PKM: variants seen among roughly 807,000 people sequenced by gnomAD.
The protein encoded by PKM is pyruvate kinase PKM.
Under a neutral mutation model 49.8 loss-of-function variants are expected in PKM, and 18 were observed. The ratio of observed to expected loss-of-function variants is 0.36; its 90% CI spans 0.25 to 0.54. PKM has a LOEUF of 0.54. Among genes scored for constraint, PKM ranks in the 20% least tolerant of loss-of-function variants. The pLI, the probability that PKM is intolerant of heterozygous loss-of-function variation, is 0.89. For missense variants in PKM, 508 were observed against 713.8 expected (o/e 0.71, Z 3.28); for synonymous variants, 239 against 261.8 (o/e 0.91, Z 0.84).
chr15:72,209,747 A>T lies in PKM; in HGVS notation c.491T>A (p.Ile164Asn). 6.2e-7 allele frequency: 1 copy of T among 1,614,034 alleles called. No individual in the cohort carries two copies. The change falls in exon 5 of 11, where the codon ATC becomes AAC. Residue 164 changes from isoleucine to asparagine, a missense_variant. By Grantham distance (149) the Ile-to-Asn change is moderately radical. Transcript: ENST00000335181. ...ENILWLDYKN[I>N]CKVVEVGSKI... is the part of the protein sequence containing the mutation. ...GCTGCCCACTTCCACCACCTTGCAGATGTTCTTGTAGTCCAGCCACAGGAT... is the reference window on the plus strand; with the variant it reads ...GCTGCCCACTTCCACCACCTTGCAGTTGTTCTTGTAGTCCAGCCACAGGAT...
intron 3 of PKM, among the ~76,000 whole-genome samples, chr15:72,216,421 G>A (rs1013874853): frequency 2.6e-5 from 4 of 152,124 alleles, no homozygotes; most frequent in African/African-American, 9.7e-5. Context: ...AGGAGTTTGA[G>A]ACCAGCCAAG....
At chr15:72,219,199 T>C (rs183993617) in intron 1 of PKM, 89 bp from the exon 2 acceptor site, 3 of 1,213,340 alleles carry the variant, frequency 2.5e-6, no homozygotes, top group East Asian at 2.3e-5. Flanking sequence ...TGCTTACACA[T>C]TAACTCAATA....
chr15:72,211,303 G>A (rs544789109), intron 3 of PKM, among the ~76,000 whole-genome samples: 62 of 152,058 alleles, frequency 4.1e-4, no homozygotes, highest in Non-Finnish European at 6.5e-4. Context: ...TCCTGATCTC[G>A]TGATCCGCCC....
intron 1 of PKM, among the ~76,000 whole-genome samples, chr15:72,221,565 G>GAA (rs35563486): frequency 0.039 from 5,621 of 145,734 alleles, 185 homozygotes; most frequent in East Asian, 0.16. Context: ...TAGGATTACA[G>GAA]AAAAAAAAAA....
intron 1 of PKM, chr15:72,229,409 C>G: frequency 4.8e-6 from 2 of 412,744 alleles, no homozygotes; most frequent in South Asian, 3.8e-5. Flanking sequence ...AAACCTGATT[C>G]TAAACGCCTT....
At chr15:72,230,439 C>T (rs961932953) in intron 1 of PKM, among the ~76,000 whole-genome samples, 2 of 152,060 alleles carry the variant, frequency 1.3e-5, no homozygotes, top group Non-Finnish European at 2.9e-5. Flanking sequence ...CGCTCGGAGA[C>T]CGGAGCAAGT....
At chr15:72,228,703 T>G in intron 1 of PKM, 1 of 1,073,790 alleles carries the variant, frequency 9.3e-7, no homozygotes, top group Non-Finnish European at 1.3e-6. Context: ...AGCCCACTCC[T>G]GCCCCCACAG....
chr15:72,224,878 A>C (rs920804460), intron 1 of PKM, among the ~76,000 whole-genome samples: 7 of 150,998 alleles, frequency 4.6e-5, no homozygotes, highest in South Asian at 2.1e-4. Context: ...AAAAAAAAAA[A>C]ACACAAATAA....
intron 3 of PKM, among the ~76,000 whole-genome samples, chr15:72,215,652 A>T (rs2082360973): frequency 6.6e-6 from 1 of 152,226 alleles, no homozygotes; most frequent in Non-Finnish European, 1.5e-5. Context: ...TGTGGCAGGT[A>T]TCACTCGCCC....
chr15:72,206,689 T>A (rs1378019570), intron 8 of PKM, 39 bp downstream of exon 8: 1 of 1,604,696 alleles, frequency 6.2e-7, no homozygotes, highest in Non-Finnish European at 8.5e-7. Flanking sequence ...CCAGGCCCAG[T>A]CCGAAGCCCT....
Position 72,202,525 on chromosome 15 carries a change from G to A in PKM, c.1236C>T (p.Thr412=), listed in dbSNP as rs964243282. ...APITSDPTEA[T]AVGAVEASFK... ...AGGAGGCCTCCACGGCACCCACGGC[G>A]GTGGCTTCTGTGGGGTCGCTGGTAA... Residue 412 remains threonine, a synonymous_variant, in exon 9 of 11, where the codon ACC becomes ACT. Coordinates refer to ENST00000335181, the MANE Select transcript of PKM (RefSeq NM_002654.6). This position sits in a 1 kb window ranked among gnomAD's most constrained non-coding sequence, Gnocchi z 4.5. 3.1e-6 allele frequency: 5 copies of A among 1,613,430 alleles called. No homozygotes were observed. The highest frequency in any genetic ancestry group is 1.3e-5 in the African/African-American group (1 of 74,918).
intron 1 of PKM, chr15:72,221,188 G>A (rs1203455738): frequency 6.5e-7 from 1 of 1,533,952 alleles, no homozygotes; most frequent in Admixed American, 2.0e-5. Context: ...CTGGGGTTGG[G>A]CTTCCGGTGA....
rs369618996 is a variant in PKM, at chr15:72,202,445, G to A, written c.1307+9C>T. 481 of 1,610,786 alleles carry A rather than the reference G, an allele frequency of 3.0e-4. 1 individual carries two copies. Among genetic ancestry groups the A allele is most frequent in the Middle Eastern group, 2.0e-3 (10 of 5,088 alleles). On this transcript the variant is annotated intron_variant, in intron 9 of 10. Coordinates refer to ENST00000335181, the MANE Select transcript of PKM (RefSeq NM_002654.6). This position sits in a 1 kb window ranked among gnomAD's most constrained non-coding sequence, Gnocchi z 4.5. Reference sequence around the variant, plus strand: ...CAGGGCATTCCAGGGAGCCGCTGCCGCCTCCTACCTGCCAGACTTGGTGAG... The same window carrying A: ...CAGGGCATTCCAGGGAGCCGCTGCCACCTCCTACCTGCCAGACTTGGTGAG...
At chr15:72,216,633 AAAAT>A (rs1446103921) in intron 3 of PKM, among the ~76,000 whole-genome samples, 1 of 152,072 alleles carries the variant, frequency 6.6e-6, no homozygotes, top group Non-Finnish European at 1.5e-5. Flanking sequence ...ATAAAATAAA[AAAAT>A]AAATAAGTCA....
Position 72,218,948 on chromosome 15 carries a change from G to T in PKM, c.150C>A (p.Thr50=). 2 of 1,614,130 alleles carry T rather than the reference G, an allele frequency of 1.2e-6. No homozygotes were observed. The highest frequency in any genetic ancestry group is 1.7e-6 in the Non-Finnish European group (2 of 1,180,010). ...GGAAGGGGCACACCCACTCACCAATGGTACAGATGATGCCAGTGTTCCGGG... is the reference window on the plus strand; with the variant it reads ...GGAAGGGGCACACCCACTCACCAATTGTACAGATGATGCCAGTGTTCCGGG... The part of the protein sequence containing the change: ...ITARNTGIIC[T]IGPASRSVET... The change falls in exon 2 of 11, where the codon ACC becomes ACA. Residue 50 remains threonine, a synonymous_variant. Coordinates refer to ENST00000335181, the MANE Select transcript of PKM (RefSeq NM_002654.6).
rs1201822236 is a variant in PKM at position 72,208,606 on chromosome 15, A to T, written c.836+15T>A. 2.5e-6 allele frequency: 4 copies of T among 1,613,962 alleles called. No individual in the cohort carries two copies. Among genetic ancestry groups the T allele is most frequent in the Non-Finnish European group, 3.4e-6 (4 of 1,179,906 alleles). On this transcript the variant is annotated intron_variant, in intron 6 of 10. Transcript: ENST00000335181. ...GAGCTGCGCTGGGACTGGAGCAGGG[A>T]CAACGGGGACTTGCCTCCGAACCCC...
intron 3 of PKM, among the ~76,000 whole-genome samples, chr15:72,212,956 T>C (rs984049697): frequency 1.3e-5 from 2 of 151,956 alleles, no homozygotes; most frequent in African/African-American, 4.8e-5. Context: ...GCGCCTGTAG[T>C]CCCAGCTACT....
intron 1 of PKM, among the ~76,000 whole-genome samples, chr15:72,223,194 T>C (rs2082572802): frequency 6.6e-6 from 1 of 152,042 alleles, no homozygotes. Context: ...CTCCACTTCT[T>C]AGGGCCAGGA....
chr15:72,229,628 A>C (rs932884882), intron 1 of PKM: 14 of 1,265,210 alleles, frequency 1.1e-5, no homozygotes, highest in Non-Finnish European at 1.4e-5. Flanking sequence ...ACCTGGTGAG[A>C]CCTTACGAGG....
Sources: allele counts gnomAD v4.1 joint callset (sites outside exome capture counted in the v4.1 genomes callset), GRCh38; gene constraint gnomAD v4.1.1; non-coding constraint Gnocchi (gnomAD v3.1); transcripts MANE v1.5; gene names NCBI Gene and HGNC (gene_info 2026-07-23, HGNC 2026-07-21).